Variants in FAF1 observed in about 807,000 individuals in gnomAD.
FAF1 encodes FAS-associated factor 1.
FAF1 carries 25 observed loss-of-function variants against 92.5 expected under a neutral mutation model. That is an observed-to-expected ratio of 0.27 (90% CI 0.20 to 0.38). The LOEUF (loss-of-function observed/expected upper bound fraction) is 0.38. Among genes scored for constraint, FAF1 ranks in the 10% least tolerant of loss-of-function variants. The probability of loss-of-function intolerance (pLI) is 1.00; values close to 1 mark genes in which losing one functional copy is unlikely to be tolerated. For synonymous variants in FAF1, 234 were observed against 273.2 expected (o/e 0.86, Z 1.42); for missense variants, 636 against 793.3 (o/e 0.80, Z 2.38).
At chr1:50,851,270 C>T (rs887400002) in intron 2 of FAF1, among the ~76,000 whole-genome samples, 2 of 151,906 alleles carry the variant, frequency 1.3e-5, no homozygotes, top group Non-Finnish European at 2.9e-5. Context: ...TTGGTAGAGA[C>T]GAGGTTTTGC....
At chr1:50,825,526 T>C (rs1644088544) in intron 2 of FAF1, among the ~76,000 whole-genome samples, 1 of 151,790 alleles carries the variant, frequency 6.6e-6, no homozygotes, top group South Asian at 2.1e-4. Flanking sequence ...AATGAGCACA[T>C]GATCAAAACA....
At chr1:50,447,815 G>C (rs1024980387) in intron 18 of FAF1, among the ~76,000 whole-genome samples, 1 of 152,140 alleles carries the variant, frequency 6.6e-6, no homozygotes, top group Non-Finnish European at 1.5e-5. Context: ...TTCAGTTATA[G>C]ACTATGTACT....
intron 1 of FAF1, among the ~76,000 whole-genome samples, chr1:50,940,598 G>T (rs1027120082): frequency 6.6e-6 from 1 of 152,212 alleles, no homozygotes; most frequent in African/African-American, 2.4e-5. Context: ...CTACTAGGAC[G>T]TTGGGAATAT....
intron 1 of FAF1, among the ~76,000 whole-genome samples, chr1:50,883,912 G>A (rs1334110890): frequency 6.6e-6 from 1 of 151,962 alleles, no homozygotes; most frequent in Non-Finnish European, 1.5e-5. Flanking sequence ...ATCACCTGAG[G>A]TGAGGAATTC....
chr1:50,853,975 T>C (rs1281894510), intron 2 of FAF1, among the ~76,000 whole-genome samples: 2 of 151,992 alleles, frequency 1.3e-5, no homozygotes, highest in Non-Finnish European at 2.9e-5. Context: ...GAAGCTTGAG[T>C]ATAATCTAGG....
At chr1:50,794,624 TTTTG>T (rs1296663500) in intron 3 of FAF1, among the ~76,000 whole-genome samples, 2 of 152,046 alleles carry the variant, frequency 1.3e-5, no homozygotes, top group East Asian at 1.9e-4. Context: ...ACATATTTGG[TTTTG>T]TTTGTTTGTT....
At chr1:50,761,306 G>C (rs943509564) in intron 4 of FAF1, among the ~76,000 whole-genome samples, 6 of 152,134 alleles carry the variant, frequency 3.9e-5, no homozygotes, top group Non-Finnish European at 8.8e-5. Context: ...CCAATCAATA[G>C]AAAAAGAGGG....
chr1:50,726,463 G>A (rs1050840864), intron 6 of FAF1, among the ~76,000 whole-genome samples: 10 of 152,108 alleles, frequency 6.6e-5, no homozygotes, highest in East Asian at 1.9e-4. Flanking sequence ...TTGGGTGGCC[G>A]AGGCGGACAG....
At position 50,499,363 on chromosome 1, in the gene FAF1, GT is replaced by G. The variant is rs199637214; in HGVS notation, c.1495-7563del. Among the ~76,000 whole-genome samples the G allele has an allele frequency of 9.6e-3, 1,061 of 110,060 alleles. 5 individuals are homozygous for G. Among genetic ancestry groups the G allele is most frequent in the African/African-American group, 0.018 (497 of 27,522 alleles). The allele number at this position is 110,060 out of a possible 152,430, so 72.2% of individuals were successfully genotyped here. On this transcript the variant is annotated intron_variant, in intron 15 of 18. Coordinates refer to ENST00000396153, the MANE Select transcript of FAF1 (RefSeq NM_007051.3). ...CAGTAGGTAAGATGTTAGCTGTAGG[GT>G]TTTTTTTTTTTTTTTTTTTAAATAG...
intron 9 of FAF1, among the ~76,000 whole-genome samples, chr1:50,588,209 C>T (rs1030118993): frequency 2.0e-5 from 3 of 152,146 alleles, no homozygotes; most frequent in Non-Finnish European, 4.4e-5. Context: ...ATCACTTGAA[C>T]GTGGGAGATG....
chr1:50,785,959 C>A (rs922499562), intron 4 of FAF1, among the ~76,000 whole-genome samples: 1 of 151,874 alleles, frequency 6.6e-6, no homozygotes, highest in Non-Finnish European at 1.5e-5. Flanking sequence ...AAGTGAGACT[C>A]CTTCTCTACA....
intron 13 of FAF1, among the ~76,000 whole-genome samples, chr1:50,560,538 A>G (rs772181462): frequency 4.6e-5 from 7 of 152,232 alleles, no homozygotes; most frequent in Non-Finnish European, 1.0e-4. Flanking sequence ...CTCCTGGGGA[A>G]CTGTTTACAG....
At chr1:50,876,195 C>G (rs12119774) in intron 1 of FAF1, among the ~76,000 whole-genome samples, 3 of 152,222 alleles carry the variant, frequency 2.0e-5, no homozygotes, top group East Asian at 3.9e-4. Context: ...AAATGGAGTA[C>G]GTCAGGCAAA....
Position 50,792,760 on chromosome 1 carries a change from G to T in FAF1, c.162-4555C>A, listed in dbSNP as rs527710867. On this transcript the variant is annotated intron_variant, in intron 3 of 18. Coordinates refer to ENST00000396153, the MANE Select transcript of FAF1 (RefSeq NM_007051.3). ...AAAAACTCTGTGGTGACTGTTTTCTGTGAGTTGGGAATGACATGGGGAGAT... is the reference window on the plus strand; with the variant it reads ...AAAAACTCTGTGGTGACTGTTTTCTTTGAGTTGGGAATGACATGGGGAGAT... Among the ~76,000 whole-genome samples, 5 of 152,294 alleles carry T rather than the reference G, an allele frequency of 3.3e-5. No homozygotes were observed. In the East Asian group the frequency reaches 7.7e-4, roughly 24 times the overall value.
intron 9 of FAF1, among the ~76,000 whole-genome samples, 178 bp from the exon 10 acceptor site, chr1:50,584,989 C>T (rs1013060151): frequency 6.6e-6 from 1 of 152,164 alleles, no homozygotes; most frequent in Non-Finnish European, 1.5e-5. Flanking sequence ...CCTAAACTTT[C>T]TGTGATACCT....
intron 6 of FAF1, among the ~76,000 whole-genome samples, chr1:50,720,985 A>G (rs944908256): frequency 1.3e-5 from 2 of 152,098 alleles, no homozygotes; most frequent in African/African-American, 2.4e-5. Flanking sequence ...TTCGAGTCTC[A>G]TATTTTGTGG....
chr1:50,506,097 T>C lies in FAF1; in HGVS notation c.1495-14296A>G, dbSNP rs562851408. Among the ~76,000 whole-genome samples, 3 of 152,284 alleles carry C rather than the reference T, an allele frequency of 2.0e-5. No individual in the cohort carries two copies. In the South Asian group the frequency reaches 6.2e-4, roughly 32 times the overall value. On this transcript the variant is annotated intron_variant, in intron 15 of 18. Transcript: ENST00000396153. ...CAGATAAAAATGATTTGATTAAGCA[T>C]ATGAGGGCAAAGGAATAATGGACAG...
intron 3 of FAF1, among the ~76,000 whole-genome samples, chr1:50,800,459 A>G (rs992135727): frequency 5.3e-5 from 8 of 152,242 alleles, no homozygotes; most frequent in African/African-American, 1.7e-4. Flanking sequence ...GGGCTTCGAT[A>G]GAATTGAATG....
At chr1:50,838,560 T>A (rs11205781) in intron 2 of FAF1, among the ~76,000 whole-genome samples, 2,999 of 89,512 alleles carry the variant, frequency 0.034, 97 homozygotes, top group African/African-American at 0.098. Context: ...AAATTAAAAA[T>A]ATATATATTT....
Sources: allele counts gnomAD v4.1 joint callset (sites outside exome capture counted in the v4.1 genomes callset), GRCh38; gene constraint gnomAD v4.1.1; transcripts MANE v1.5; gene names NCBI Gene and HGNC (gene_info 2026-07-23, HGNC 2026-07-21).